Variants in PRICKLE2 observed in about 807,000 individuals in gnomAD.
PRICKLE2 encodes prickle-like protein 2.
PRICKLE2 carries 21 observed loss-of-function variants against 81.4 expected under a neutral mutation model. The ratio of observed to expected loss-of-function variants is 0.26; its 90% confidence interval spans 0.18 to 0.37. The LOEUF (loss-of-function observed/expected upper bound fraction) is 0.37. Among genes scored for constraint, PRICKLE2 ranks in the 10% least tolerant of loss-of-function variants. PRICKLE2 has a pLI of 1.00. For synonymous variants in PRICKLE2, 456 were observed against 421.5 expected, an observed-to-expected ratio of 1.08 and a Z score of -1.00; for missense variants, 940 against 1,109.0, an observed-to-expected ratio of 0.85 and a Z score of 2.16.
intron 4 of PRICKLE2, among the ~76,000 whole-genome samples, chr3:64,158,392 GATA>G (rs1406634250): frequency 6.6e-6 from 1 of 152,210 alleles, no homozygotes; most frequent in Admixed American, 6.5e-5. Context: ...TACCTTCCGT[GATA>G]ATGTTAGCAG....
At chr3:64,175,284 T>C (rs1178979676) in intron 2 of PRICKLE2, 1 of 153,120 alleles carries the variant, frequency 6.5e-6, no homozygotes, top group African/African-American at 2.4e-5. Flanking sequence ...AACACTACTC[T>C]ATATGTTTTG....
chr3:64,136,531 T>A (rs2106996226), intron 7 of PRICKLE2, among the ~76,000 whole-genome samples: 1 of 151,506 alleles, frequency 6.6e-6, no homozygotes, highest in Middle Eastern at 3.4e-3. Flanking sequence ...ATTGTTTACA[T>A]GGAGAAATAG....
At chr3:64,261,317 G>A (rs1206731906) in intron 2 of PRICKLE2, among the ~76,000 whole-genome samples, 2 of 152,120 alleles carry the variant, frequency 1.3e-5, no homozygotes, top group Admixed American at 1.3e-4. Context: ...TGCAGTGTTA[G>A]ACACTGGCCC....
intron 4 of PRICKLE2, among the ~76,000 whole-genome samples, chr3:64,158,458 A>G (rs2077674415): frequency 6.6e-6 from 1 of 152,238 alleles, no homozygotes; most frequent in Non-Finnish European, 1.5e-5. Context: ...GTCATCATTC[A>G]TCCATTCTAT....
intron 7 of PRICKLE2, among the ~76,000 whole-genome samples, chr3:64,136,767 G>C (rs2077286370): frequency 6.6e-6 from 1 of 152,016 alleles, no homozygotes; most frequent in Non-Finnish European, 1.5e-5. Flanking sequence ...GGTCAAGGTA[G>C]GAAGGTCAAG....
At chr3:64,194,549 G>A (rs544054722) in intron 2 of PRICKLE2, among the ~76,000 whole-genome samples, 2 of 152,276 alleles carry the variant, frequency 1.3e-5, no homozygotes, top group Admixed American at 1.3e-4. Flanking sequence ...CAATGCAGAG[G>A]ACAGTCACCA....
chr3:64,185,293 C>T (rs139030533), intron 2 of PRICKLE2, among the ~76,000 whole-genome samples: 1 of 152,042 alleles, frequency 6.6e-6, no homozygotes, highest in Non-Finnish European at 1.5e-5. Context: ...ACAGACCCCC[C>T]CTAGATTGCT....
chr3:64,222,821 CAGAAG>C (rs2078977007), intron 1 of PRICKLE2, among the ~76,000 whole-genome samples: 2 of 152,196 alleles, frequency 1.3e-5, no homozygotes, highest in African/African-American at 4.8e-5. Flanking sequence ...ATAGGTGAAG[CAGAAG>C]AGAAATCTAG....
At chr3:64,139,785 C>T (rs929996417) in intron 7 of PRICKLE2, among the ~76,000 whole-genome samples, 4 of 152,244 alleles carry the variant, frequency 2.6e-5, no homozygotes, top group African/African-American at 9.6e-5. Context: ...CTTCTGACAA[C>T]TCTTCATACA....
chr3:64,129,404 A>G (rs2077166266), intron 7 of PRICKLE2, among the ~76,000 whole-genome samples: 1 of 152,236 alleles, frequency 6.6e-6, no homozygotes, highest in Non-Finnish European at 1.5e-5. Flanking sequence ...AAGGCTTCAC[A>G]GCTGTTAGCT....
chr3:64,124,358 A>T (rs1250405247), intron 7 of PRICKLE2, among the ~76,000 whole-genome samples: 1 of 152,248 alleles, frequency 6.6e-6, no homozygotes, highest in Non-Finnish European at 1.5e-5. Flanking sequence ...GCAAGTGCTA[A>T]TGGAAAAGCT....
intron 2 of PRICKLE2, among the ~76,000 whole-genome samples, chr3:64,180,137 T>C (rs1019731656): frequency 3.9e-5 from 6 of 152,202 alleles, no homozygotes; most frequent in African/African-American, 1.4e-4. Context: ...GTGCGTATGT[T>C]ATATAATGAG....
chr3:64,160,167 C>T, intron 3 of PRICKLE2, 90 bp from the exon 4 acceptor site: 2 of 1,422,222 alleles, frequency 1.4e-6, no homozygotes, highest in Non-Finnish European at 9.9e-7. Flanking sequence ...TCGTTAAATA[C>T]ACTCTCATTT....
chr3:64,110,622 G>C (rs149029982), intron 7 of PRICKLE2, among the ~76,000 whole-genome samples: 1 of 152,140 alleles, frequency 6.6e-6, no homozygotes, highest in African/African-American at 2.4e-5. Context: ...ACTATGGGGA[G>C]ACCTAAAGGA....
At chr3:64,262,758 T>C (rs1432949372) in intron 2 of PRICKLE2, among the ~76,000 whole-genome samples, 4 of 152,192 alleles carry the variant, frequency 2.6e-5, no homozygotes, top group Non-Finnish European at 5.9e-5. Context: ...CAAACCCTGC[T>C]GACAGGCAGA....
At chr3:64,168,864 A>T (rs2077883344) in intron 2 of PRICKLE2, among the ~76,000 whole-genome samples, 1 of 152,202 alleles carries the variant, frequency 6.6e-6, no homozygotes, top group African/African-American at 2.4e-5. Context: ...TAACCAACAC[A>T]CAGCTCCCAA....
intron 2 of PRICKLE2, among the ~76,000 whole-genome samples, chr3:64,169,286 T>C (rs576898747): frequency 3.5e-4 from 53 of 152,312 alleles, no homozygotes; most frequent in Non-Finnish European, 5.7e-4. Context: ...GAATGGAAGC[T>C]GTAACCTGAG....
intron 2 of PRICKLE2, among the ~76,000 whole-genome samples, chr3:64,188,646 C>T (rs1027043035): frequency 7.2e-5 from 11 of 152,326 alleles, no homozygotes; most frequent in Middle Eastern, 3.4e-3. Context: ...TGCAGAGAGG[C>T]TTCTCTTAGC....
chr3:64,110,724 T>C (rs779828621), intron 7 of PRICKLE2, among the ~76,000 whole-genome samples: 1 of 151,860 alleles, frequency 6.6e-6, no homozygotes, highest in South Asian at 2.1e-4. Context: ...CCACGAGCTC[T>C]AAGATGTAGC....
Sources: gnomAD v4.1 joint callset for allele counts (sites outside exome capture counted in the v4.1 genomes callset) on GRCh38, gnomAD v4.1.1 for gene constraint, MANE v1.5 for transcripts, NCBI Gene and HGNC (gene_info 2026-07-23, HGNC 2026-07-21) for gene names.